Variants in BRD10 observed in about 807,000 individuals in gnomAD.
The protein encoded by BRD10 is uncharacterized bromodomain-containing protein 10.
At chr9:5,994,236 T>C in the BRD10 span, among the ~76,000 whole-genome samples, 1 of 152,190 alleles carries the variant, frequency 6.6e-6, no homozygotes, top group African/African-American at 2.4e-5. Context: ...GCTTAGCTTA[T>C]GTTTTATAAT....
the BRD10 span, chr9:5,929,012 A>G: frequency 5.9e-6 from 7 of 1,187,572 alleles, no homozygotes; most frequent in Non-Finnish European, 8.6e-6. Context: ...GGACCATAAA[A>G]TAAGTAAAAC....
At chr9:5,936,875 T>C in the BRD10 span, among the ~76,000 whole-genome samples, 1 of 152,160 alleles carries the variant, frequency 6.6e-6, no homozygotes, top group Non-Finnish European at 1.5e-5. Flanking sequence ...TTATTGGGAC[T>C]TTGAAAAATG....
At chr9:5,946,618 C>A in the BRD10 span, among the ~76,000 whole-genome samples, 3 of 151,130 alleles carry the variant, frequency 2.0e-5, no homozygotes, top group East Asian at 5.8e-4. Context: ...CAAATTTGCC[C>A]CAGAGCTTGC....
chr9:5,974,651 A>G, the BRD10 span, among the ~76,000 whole-genome samples: 27 of 152,218 alleles, frequency 1.8e-4, no homozygotes, highest in African/African-American at 6.0e-4. Flanking sequence ...TGCAGGACAT[A>G]GTACCTGCAC....
chr9:5,959,566 A>G, the BRD10 span, among the ~76,000 whole-genome samples: 2 of 152,318 alleles, frequency 1.3e-5, no homozygotes, highest in African/African-American at 2.4e-5. Context: ...ATAAAAGGAC[A>G]TGGAGTATAG....
chr9:5,895,668 A>G, the BRD10 span, among the ~76,000 whole-genome samples: 2 of 152,208 alleles, frequency 1.3e-5, no homozygotes, highest in African/African-American at 4.8e-5. Flanking sequence ...GCAGATTTCT[A>G]GGTGCTGCCA....
At chr9:5,908,734 C>G in the BRD10 span, 1 of 1,592,736 alleles carries the variant, frequency 6.3e-7, no homozygotes, top group Non-Finnish European at 8.6e-7. Context: ...CTGAGACATG[C>G]TGAAATTATT....
the BRD10 span, chr9:5,898,249 A>G: frequency 2.0e-5 from 3 of 152,832 alleles, no homozygotes; most frequent in African/African-American, 4.8e-5. Flanking sequence ...AGGTCCCACT[A>G]TGTTGCCCAG....
the BRD10 span, chr9:5,921,816 A>G: frequency 6.2e-7 from 1 of 1,614,000 alleles, no homozygotes; most frequent in South Asian, 1.1e-5. Context: ...AAGGGAGAAG[A>G]GGGCATGTGT....
the BRD10 span, among the ~76,000 whole-genome samples, chr9:5,953,467 A>G: frequency 3.9e-5 from 6 of 152,242 alleles, no homozygotes; most frequent in Non-Finnish European, 8.8e-5. Context: ...TTCCACAGAA[A>G]TGTTTAAAGA....
the BRD10 span, among the ~76,000 whole-genome samples, chr9:5,884,495 G>C: frequency 1.3e-5 from 2 of 152,192 alleles, no homozygotes; most frequent in Non-Finnish European, 2.9e-5. Context: ...TAAACCACTG[G>C]GATGTCACCT....
chr9:5,911,406 T>TTG, the BRD10 span, among the ~76,000 whole-genome samples: 6 of 67,886 alleles, frequency 8.8e-5, no homozygotes, highest in Non-Finnish European at 1.6e-4. Flanking sequence ...TCTATGTGTG[T>TTG]TTTTTTTTTT....
At chr9:5,966,482 C>CA in the BRD10 span, among the ~76,000 whole-genome samples, 12 of 49,748 alleles carry the variant, frequency 2.4e-4, no homozygotes, top group East Asian at 8.8e-3. Context: ...TTTTTTGAGA[C>CA]AGAGTCTTGC....
the BRD10 span, among the ~76,000 whole-genome samples, chr9:5,900,809 T>C: frequency 6.6e-6 from 1 of 152,228 alleles, no homozygotes; most frequent in Non-Finnish European, 1.5e-5. Context: ...AACAGTGGTT[T>C]TTATATTAAC....
At chr9:5,947,366 T>C in the BRD10 span, among the ~76,000 whole-genome samples, 1 of 152,128 alleles carries the variant, frequency 6.6e-6, no homozygotes, top group African/African-American at 2.4e-5. Context: ...CTATGAATTA[T>C]AAATCAACAT....
At chr9:6,001,613 A>G in the BRD10 span, among the ~76,000 whole-genome samples, 22 of 152,354 alleles carry the variant, frequency 1.4e-4, no homozygotes, top group Admixed American at 2.6e-4. Context: ...CATTGTATCT[A>G]CAGGGCTTTA....
the BRD10 span, among the ~76,000 whole-genome samples, chr9:5,950,533 A>G: frequency 1.3e-5 from 2 of 152,232 alleles, no homozygotes; most frequent in African/African-American, 4.8e-5. Context: ...TTTAACCACT[A>G]TGCAGATTAC....
chr9:5,988,739 G>A, the BRD10 span, among the ~76,000 whole-genome samples: 1 of 151,552 alleles, frequency 6.6e-6, no homozygotes, highest in Non-Finnish European at 1.5e-5. Context: ...CAGAGTGACA[G>A]TCTCTTCCCT....
At chr9:5,924,849 A>C in the BRD10 span, 2 of 1,471,906 alleles carry the variant, frequency 1.4e-6, no homozygotes, top group South Asian at 3.1e-5. Flanking sequence ...GCGGCTCCTG[A>C]AATAAAATGC....
Sources: allele counts gnomAD v4.1 joint callset (sites outside exome capture counted in the v4.1 genomes callset), GRCh38; gene constraint gnomAD v4.1.1; transcripts MANE v1.5; gene names NCBI Gene and HGNC (gene_info 2026-07-23, HGNC 2026-07-21).